The following FLNB variants were observed in gnomAD, a reference collection of about 807,000 sequenced individuals.
The protein encoded by FLNB is filamin-B.
A neutral mutation model predicts 250.6 loss-of-function variants in FLNB; 111 were observed. That is an observed-to-expected ratio of 0.44 (90% CI 0.38 to 0.52). FLNB has a LOEUF of 0.52. Ranked by LOEUF, FLNB falls within the 20% of genes least tolerant of loss-of-function variation. The pLI is 0.00. For synonymous variants in FLNB, 1,302 were observed against 1,372.1 expected (o/e 0.95, Z 1.13); for missense variants, 2,869 against 3,447.8 (o/e 0.83, Z 4.20).
At chr3:58,135,516 A>G (rs1404691947) in intron 27 of FLNB, among the ~76,000 whole-genome samples, 1 of 152,220 alleles carries the variant, frequency 6.6e-6, no homozygotes, top group African/African-American at 2.4e-5. Flanking sequence ...CCAAAAGTCC[A>G]TCATAGACTT....
intron 26 of FLNB, among the ~76,000 whole-genome samples, chr3:58,133,437 GAAAAAAAAAAAAAAA>G (rs55916881): frequency 3.0e-5 from 2 of 67,604 alleles, no homozygotes; most frequent in African/African-American, 4.3e-5. Flanking sequence ...GACATCTCTG[GAAAAAAAAAAAAAAA>G]AAAAAAAAAA....
chr3:58,116,920 C>T (rs1057080186), intron 18 of FLNB, among the ~76,000 whole-genome samples: 1 of 152,178 alleles, frequency 6.6e-6, no homozygotes, highest in African/African-American at 2.4e-5. Flanking sequence ...CACAGACCCT[C>T]ACAGAGTAAC....
intron 4 of FLNB, among the ~76,000 whole-genome samples, chr3:58,087,289 C>T (rs1228871502): frequency 1.3e-5 from 2 of 151,776 alleles, no homozygotes; most frequent in African/African-American, 4.8e-5. Flanking sequence ...TTTAAGGATA[C>T]ATAGTGATTG....
chr3:58,125,817 C>T lies in FLNB; in HGVS notation c.4061+74C>T. The T allele has an allele frequency of 2.8e-6, 4 of 1,416,336 alleles. No homozygotes were observed. The South Asian group carries it at 4.7e-5, about 17-fold the overall frequency. 87.7% of individuals were successfully genotyped at this position (1,416,336 alleles called of 1,614,324 possible). Reference sequence around the variant, plus strand: ...GATTCTACCTATGTGTCATGGTTTCCTAACTTTTGATAAGATGAATTTTTA... The same window carrying T: ...GATTCTACCTATGTGTCATGGTTTCTTAACTTTTGATAAGATGAATTTTTA... On this transcript the variant is annotated intron_variant, in intron 23 of 45. Transcript: ENST00000295956.
intron 45 of FLNB, among the ~76,000 whole-genome samples, chr3:58,170,021 G>C (rs1182361578): frequency 1.3e-5 from 2 of 152,150 alleles, no homozygotes; most frequent in Non-Finnish European, 2.9e-5. Flanking sequence ...TCAAGGGTCG[G>C]TTGCCTGGGT....
chr3:58,034,688 A>G lies in FLNB; in HGVS notation c.292+25832A>G, dbSNP rs557281939. 5.6e-4 allele frequency among the ~76,000 whole-genome samples: 85 copies of G among 152,324 alleles called. 1 individual carries two copies. Among genetic ancestry groups the G allele is most frequent in the Admixed American group, 1.2e-3 (19 of 15,300 alleles). On this transcript the variant is annotated intron_variant, in intron 1 of 45. Transcript: ENST00000295956. Reference sequence around the variant, plus strand: ...AACCTACCTAATCCTGGTTTATCCAAAAAGGGAGCTCATTGGCTCTCGTAA... The same window carrying G: ...AACCTACCTAATCCTGGTTTATCCAGAAAGGGAGCTCATTGGCTCTCGTAA...
chr3:58,104,997 T>C (rs2097257325), intron 10 of FLNB, 83 bp from the exon 11 acceptor site: 2 of 1,573,602 alleles, frequency 1.3e-6, no homozygotes, highest in South Asian at 1.1e-5. Context: ...GTGGAAAGAA[T>C]GTGCAAAGGA....
At chr3:58,103,894 G>A in intron 9 of FLNB, 65 bp from the exon 10 acceptor site, 1 of 1,601,150 alleles carries the variant, frequency 6.2e-7, no homozygotes, top group South Asian at 1.1e-5. Context: ...CTCTGTTCTT[G>A]TCCTTTTGAT....
At chr3:58,114,987 C>T (rs1190868201) in intron 18 of FLNB, among the ~76,000 whole-genome samples, 1 of 152,144 alleles carries the variant, frequency 6.6e-6, no homozygotes, top group Non-Finnish European at 1.5e-5. Context: ...TATTCTCTCA[C>T]TCCTTGGTTT....
intron 20 of FLNB, 125 bp downstream of exon 20, chr3:58,121,628 C>A: frequency 1.6e-6 from 2 of 1,284,106 alleles, no homozygotes; most frequent in Non-Finnish European, 2.2e-6. Flanking sequence ...TAGCACAATT[C>A]ACTGTGAAAG....
At chr3:58,041,493 C>T (rs2106800855) in intron 1 of FLNB, among the ~76,000 whole-genome samples, 1 of 152,260 alleles carries the variant, frequency 6.6e-6, no homozygotes, top group South Asian at 2.1e-4. Flanking sequence ...ACTCAGAGGA[C>T]TCCTTGCTTT....
intron 1 of FLNB, among the ~76,000 whole-genome samples, chr3:58,059,344 CT>C (rs2097174780): frequency 6.6e-6 from 1 of 152,258 alleles, no homozygotes; most frequent in South Asian, 2.1e-4. Context: ...GAAGGAAAAA[CT>C]TTAGTAAATA....
rs189632511 is a variant in FLNB at position 58,021,472 on chromosome 3, C to T, written c.292+12616C>T. Among the ~76,000 whole-genome samples the T allele has an allele frequency of 1.8e-4, 28 of 152,232 alleles. No individual in the cohort carries two copies. In the East Asian group the frequency reaches 5.2e-3, roughly 28 times the overall value. On this transcript the variant is annotated intron_variant, in intron 1 of 45. Coordinates refer to ENST00000295956, the MANE Select transcript of FLNB (RefSeq NM_001457.4). ...AGCTTCTAGCCATCTGGAGGCAGAA[C>T]CCAGAATGTGTTCTGAGTGAGGCGC...
In FLNB at chr3:58,141,762, A is replaced by G. The variant is rs928934617; in HGVS notation, c.5110-96A>G. On this transcript the variant is annotated intron_variant, in intron 29 of 45. Transcript: ENST00000295956. The stretch of plus-strand genomic sequence containing the variant: ...AGAGTGAGTGGCTCACTGCAGTTCA[A>G]GATGGAGCAGTGGGGGAAGCAGCTC... 24 of 1,161,984 alleles carry G rather than the reference A, an allele frequency of 2.1e-5. No individual in the cohort carries two copies. The African/African-American group carries it at 3.2e-4, about 15-fold the overall frequency. 72.0% of individuals were successfully genotyped at this position (1,161,984 alleles called of 1,614,324 possible). A position where few individuals can be genotyped will look rare whatever the true frequency, so the allele number is the denominator to read the frequency against.
At chr3:58,063,664 A>C (rs1658347) in intron 1 of FLNB, among the ~76,000 whole-genome samples, 42,272 of 152,042 alleles carry the variant, frequency 0.28, 9,448 homozygotes, top group East Asian at 0.62. Flanking sequence ...TCAAGACTTT[A>C]AATTAGGAGT....
Position 58,090,110 on chromosome 3 carries a change from T to C in FLNB, c.788-4726T>C, listed in dbSNP as rs185963007. On this transcript the variant is annotated intron_variant, in intron 4 of 45. Transcript: ENST00000295956. ...CTGGACCCGGCCTCTGTAAGCTTTTTTCTGTGTTTAAAACTTTTCATTTTT... is the reference window on the plus strand; with the variant it reads ...CTGGACCCGGCCTCTGTAAGCTTTTCTCTGTGTTTAAAACTTTTCATTTTT... Among the ~76,000 whole-genome samples the C allele has an allele frequency of 2.8e-3, 423 of 151,922 alleles. 2 individuals are homozygous for C. Among genetic ancestry groups the C allele is most frequent in the Non-Finnish European group, 5.0e-3 (340 of 67,996 alleles).
At chr3:58,119,801 G>C (rs1408126255) in intron 19 of FLNB, among the ~76,000 whole-genome samples, 2 of 152,116 alleles carry the variant, frequency 1.3e-5, no homozygotes, top group African/African-American at 4.8e-5. Context: ...TGTTCTTCCA[G>C]ATCTTCTCTC....
chr3:58,047,108 C>G (rs2097155433), intron 1 of FLNB, among the ~76,000 whole-genome samples: 2 of 152,188 alleles, frequency 1.3e-5, no homozygotes, highest in African/African-American at 4.8e-5. Flanking sequence ...GACAAACTTT[C>G]TCAAACTCCC....
At chr3:58,121,190 C>A in intron 19 of FLNB, 51 bp from the exon 20 acceptor site, 2 of 1,613,208 alleles carry the variant, frequency 1.2e-6, no homozygotes, top group Non-Finnish European at 1.7e-6. Context: ...TGGATTGTTC[C>A]TGCTGCTGAA....
Sources: gnomAD v4.1 joint callset for allele counts (sites outside exome capture counted in the v4.1 genomes callset) on GRCh38, gnomAD v4.1.1 for gene constraint, MANE v1.5 for transcripts, NCBI Gene and HGNC (gene_info 2026-07-23, HGNC 2026-07-21) for gene names.